The following AIPL1 variants were observed in gnomAD, a reference collection of about 807,000 sequenced individuals.
AIPL1 encodes the protein aryl-hydrocarbon-interacting protein-like 1.
Under a neutral mutation model 32.9 loss-of-function variants are expected in AIPL1, and 23 were observed. The ratio of observed to expected loss-of-function variants is 0.70; its 90% confidence interval spans 0.50 to 0.99. AIPL1 has a LOEUF of 0.99. Among genes scored for constraint, AIPL1 ranks in the 50% least tolerant of loss-of-function variants. The pLI is 0.00. For synonymous variants in AIPL1, 210 were observed against 209.4 expected (o/e 1.00, Z -0.02); for missense variants, 485 against 506.0 (o/e 0.96, Z 0.40).
chr17:6,429,294 T>A (rs1461609863), intron 2 of AIPL1, among the ~76,000 whole-genome samples: 5 of 152,156 alleles, frequency 3.3e-5, no homozygotes, highest in Non-Finnish European at 7.4e-5. Context: ...GCTTCTGAGA[T>A]GACCCAGCAC....
Position 6,425,426 on chromosome 17 carries a change from C to T in AIPL1, c.*34G>A, listed in dbSNP as rs1447857567. On this transcript the variant is annotated 3_prime_UTR_variant, in exon 6 of 6. Coordinates refer to ENST00000381129, the MANE Select transcript of AIPL1 (RefSeq NM_014336.5). Reference sequence around the variant, plus strand: ...GAACCAGAAGTGACCAGGCCACTTGCTCCCTGCCTGGGTGGCTGTGGGCCT... The same window carrying T: ...GAACCAGAAGTGACCAGGCCACTTGTTCCCTGCCTGGGTGGCTGTGGGCCT... 1 of 1,560,534 alleles carries T rather than the reference C, an allele frequency of 6.4e-7. No individual in the cohort carries two copies. The highest frequency in any genetic ancestry group is 8.7e-7 in the Non-Finnish European group (1 of 1,154,520).
Position 6,426,694 on chromosome 17 carries a change from G to C in AIPL1, c.705C>G (p.Asn235Lys). Residue 235 changes from asparagine (N) to lysine (K), a missense_variant, in exon 5 of 6, where the codon AAC becomes AAG. Coordinates refer to ENST00000381129, the MANE Select transcript of AIPL1 (RefSeq NM_014336.5). ...CCTTCTTCAGCAGGCACTGGCAGTAGTTGAGGATCAGAGTATTGATCATCT... is the reference window on the plus strand; with the variant it reads ...CCTTCTTCAGCAGGCACTGGCAGTACTTGAGGATCAGAGTATTGATCATCT... The part of the protein sequence containing the change: ...LEKMINTLIL[N>K]YCQCLLKKEE... The C allele has an allele frequency of 3.1e-6, 5 of 1,614,222 alleles. No homozygotes were observed. Among genetic ancestry groups the C allele is most frequent in the Non-Finnish European group, 4.2e-6 (5 of 1,180,032 alleles).
chr17:6,427,119 C>T, intron 3 of AIPL1, 62 bp from the exon 4 acceptor site: 1 of 1,588,844 alleles, frequency 6.3e-7, no homozygotes, highest in Non-Finnish European at 8.6e-7. Flanking sequence ...CCATCAGAGA[C>T]CCGAAAAACA....
intron 2 of AIPL1, among the ~76,000 whole-genome samples, chr17:6,433,518 G>A (rs935529783): frequency 1.9e-4 from 29 of 151,932 alleles, no homozygotes; most frequent in Non-Finnish European, 2.9e-4. Flanking sequence ...CTGAGCCCGG[G>A]AAGTTGAGGC....
intron 1 of AIPL1, among the ~76,000 whole-genome samples, chr17:6,434,356 C>CTTTTTTTTTTTTT (rs71381392): frequency 6.7e-5 from 7 of 105,012 alleles, no homozygotes; most frequent in East Asian, 3.1e-4. Flanking sequence ...AGCCCGAGTT[C>CTTTTTTTTTTTTT]TTTTTTTTTT....
Position 6,428,496 on chromosome 17 carries a change from A to AC in AIPL1, c.286dup (p.Val96GlyfsTer62). 1 of 1,613,684 alleles carries AC rather than the reference A, an allele frequency of 6.2e-7. No homozygotes were observed. The highest frequency in any genetic ancestry group is 8.5e-7 in the Non-Finnish European group (1 of 1,179,946). ...CAGGCTCCGGGATAGGATGGGGTAG[A>AC]CCCCCGTGTGCTGTGGGGATAAACG... On this transcript the variant is annotated frameshift_variant, in exon 3 of 6. Coordinates refer to ENST00000381129, the MANE Select transcript of AIPL1 (RefSeq NM_014336.5). LOFTEE classifies it high-confidence loss of function.
At chr17:6,426,291 C>T (rs1464441296) in intron 5 of AIPL1, 11 of 1,342,604 alleles carry the variant, frequency 8.2e-6, no homozygotes, top group Non-Finnish European at 1.1e-5. Flanking sequence ...AACACCAGTA[C>T]TAGTACCGAC....
At position 6,425,642 on chromosome 17, in the gene AIPL1, TC is replaced by T. The variant is rs1911853446; in HGVS notation, c.972del (p.Asn325ThrfsTer3). ...EKQEEERLRC[R>X]NMLSQGATQP... is the part of the protein sequence containing the mutation. ...TGCGTGGCACCCTGGCTCAGCATGT[TC>T]CGGCAGCGCAGCCGCTCCTCCTCCT... On this transcript the variant is annotated frameshift_variant, in exon 6 of 6. Transcript: ENST00000381129. LOFTEE classifies it low-confidence loss of function (END_TRUNC). The T allele has an allele frequency of 6.2e-7, 1 of 1,612,226 alleles. No homozygotes were observed. The highest frequency in any genetic ancestry group is 8.5e-7 in the Non-Finnish European group (1 of 1,179,916).
At chr17:6,429,820 GTAGGTAGATAGA>G (rs1448823467) in intron 2 of AIPL1, among the ~76,000 whole-genome samples, 123 of 38,780 alleles carry the variant, frequency 3.2e-3, no homozygotes, top group Non-Finnish European at 4.2e-3. Context: ...AGGTAGGTAG[GTAGGTAGATAGA>G]TAGATAGATA....
At chr17:6,427,623 CTGGT>C (rs1231574425) in intron 3 of AIPL1, among the ~76,000 whole-genome samples, 5 of 152,110 alleles carry the variant, frequency 3.3e-5, no homozygotes, top group African/African-American at 1.2e-4. Context: ...CTCTGGGGCT[CTGGT>C]TGGGAGGATG....
Position 6,425,731 on chromosome 17 carries a change from G to C in AIPL1, c.884C>G (p.Pro295Arg), listed in dbSNP as rs1911872542. 1 of 1,607,624 alleles carries C rather than the reference G, an allele frequency of 6.2e-7. No homozygotes were observed. The highest frequency in any genetic ancestry group is 8.5e-7 in the Non-Finnish European group (1 of 1,180,006). Residue 295 changes from proline (P) to arginine (R), a missense_variant, in exon 6 of 6, where the codon CCG (proline) becomes CGG (arginine). Pro to Arg is a moderately radical substitution (Grantham distance 103, BLOSUM62 -2). Coordinates refer to ENST00000381129, the MANE Select transcript of AIPL1 (RefSeq NM_014336.5). ...ADLQKVLELE[P>R]SMQKAVRREL... ...CCTGCGCACCGCCTTCTGCATGGAC[G>C]GCTCCAGCTCCAGCACTTTCTGGAG... is the stretch of plus-strand genomic sequence containing the variant.
intron 2 of AIPL1, 49 bp downstream of exon 2, chr17:6,433,870 A>AGCCCAGAAAAGACTAGTCACAGGAGACAG: frequency 1.3e-6 from 2 of 1,598,312 alleles, no homozygotes; most frequent in Admixed American, 1.7e-5. Context: ...CGGGTGGGTG[A>AGCCCAGAAAAGACTAGTCACAGGAGACAG]GCCCAGAAAA....
At chr17:6,434,559 C>T (rs1912983261) in intron 1 of AIPL1, among the ~76,000 whole-genome samples, 1 of 152,186 alleles carries the variant, frequency 6.6e-6, no homozygotes, top group East Asian at 1.9e-4. Flanking sequence ...TGGGGTTTCA[C>T]ATGTTGGTCA....
chr17:6,430,787 T>C lies in AIPL1; in HGVS notation c.277-2281A>G, dbSNP rs113058646. On this transcript the variant is annotated intron_variant, in intron 2 of 5. Coordinates refer to ENST00000381129, the MANE Select transcript of AIPL1 (RefSeq NM_014336.5). ...TCTAAGCAAAGTCAATAGATATATTTTTAAACTAACTGAAATCACAAAGAA... is the reference window on the plus strand; with the variant it reads ...TCTAAGCAAAGTCAATAGATATATTCTTAAACTAACTGAAATCACAAAGAA... 3.5e-3 allele frequency among the ~76,000 whole-genome samples: 539 copies of C among 152,318 alleles called. 4 individuals carry two copies. Among genetic ancestry groups the C allele is most frequent in the African/African-American group, 0.011 (445 of 41,580 alleles).
In AIPL1 at chr17:6,435,003, A is replaced by G; in HGVS notation, c.96+6T>C. On this transcript the variant is annotated splice_donor_region_variant and intron_variant, in intron 1 of 5. Coordinates refer to ENST00000381129, the MANE Select transcript of AIPL1 (RefSeq NM_014336.5). ...ACCCTGTCTGCTCCGGAGGGGCCCC[A>G]CTCACTCGGGATCCGGTGATGAAGT... 6.2e-7 allele frequency: 1 copy of G among 1,614,086 alleles called. No individual in the cohort carries two copies.
intron 2 of AIPL1, among the ~76,000 whole-genome samples, chr17:6,430,468 A>C (rs897934037): frequency 4.0e-5 from 6 of 151,076 alleles, no homozygotes; most frequent in African/African-American, 9.7e-5. Context: ...AAAAAAAAAA[A>C]AAAAAAAAAA....
chr17:6,428,207 A>T, intron 3 of AIPL1, 111 bp downstream of exon 3: 1 of 1,219,236 alleles, frequency 8.2e-7, no homozygotes, highest in Non-Finnish European at 1.2e-6. Flanking sequence ...CGTATTATCT[A>T]AACAGAAACA....
rs150886208 is a variant in AIPL1, at chr17:6,428,329, C to T, written c.454G>A (p.Glu152Lys). Residue 152 changes from glutamate (E) to lysine (K), a missense_variant, in exon 3 of 6, where the codon GAG (glutamate) becomes AAG (lysine). By Grantham distance (56) the Glu-to-Lys change is moderately conservative (BLOSUM62 1). Transcript: ENST00000381129. ...AACCCCAGCCCCACCTGCAGCAGCT[C>T]GATCACAAAGACCAGAGGCTGAGGC... ...KEPQPLVFVI[E>K]LLQVDAPSDY... 5.6e-6 allele frequency: 9 copies of T among 1,608,984 alleles called. No homozygotes were observed. Among genetic ancestry groups the T allele is most frequent in the African/African-American group, 5.3e-5 (4 of 75,048 alleles).
chr17:6,434,006 G>A lies in AIPL1; in HGVS notation c.189C>T (p.Ile63=), dbSNP rs764653700. The part of the protein sequence containing the change: ...RQVGQPMHII[I]GNMFKLEVWE... ...AGACCTCGAGCTTGAACATGTTTCCGATGATGATGTGCATGGGCTGGCCCA... is the reference window on the plus strand; with the variant it reads ...AGACCTCGAGCTTGAACATGTTTCCAATGATGATGTGCATGGGCTGGCCCA... Residue 63 remains isoleucine, a synonymous_variant, in exon 2 of 6, where the codon ATC becomes ATT. Transcript: ENST00000381129. The A allele has an allele frequency of 1.3e-5, 21 of 1,613,500 alleles. 1 individual carries two copies. The South Asian group carries it at 2.0e-4, about 15-fold the overall frequency.
Sources: gnomAD v4.1 joint callset for allele counts (sites outside exome capture counted in the v4.1 genomes callset) on GRCh38, gnomAD v4.1.1 for gene constraint, MANE v1.5 for transcripts, NCBI Gene and HGNC (gene_info 2026-07-23, HGNC 2026-07-21) for gene names.